The following JAKMIP2 variants were observed in gnomAD, a reference collection of about 807,000 sequenced individuals.
The protein encoded by JAKMIP2 is janus kinase and microtubule interacting protein 2, also known as janus kinase and microtubule-interacting protein 2.
JAKMIP2 carries 25 observed loss-of-function variants against 115.0 expected under a neutral mutation model. The observed-to-expected ratio is 0.22, with a 90% CI of 0.16 to 0.30. JAKMIP2 has a LOEUF of 0.30. JAKMIP2 is among the 10% of genes least tolerant of loss of function. The probability of loss-of-function intolerance (pLI) is 1.00; values close to 1 mark genes in which losing one functional copy is unlikely to be tolerated. For missense variants in JAKMIP2, 642 were observed against 957.6 expected (o/e 0.67, Z 4.35); for synonymous variants, 334 against 343.6 (o/e 0.97, Z 0.31).
chr5:147,737,953 G>A (rs551770500), intron 1 of JAKMIP2, among the ~76,000 whole-genome samples: 33 of 152,002 alleles, frequency 2.2e-4, no homozygotes, highest in Non-Finnish European at 3.1e-4. Flanking sequence ...GTCCTCCCAC[G>A]TAACAGGTGT....
intron 5 of JAKMIP2, 51 bp downstream of exon 5, chr5:147,648,325 G>C (rs760574165): frequency 2.2e-6 from 2 of 918,098 alleles, no homozygotes; most frequent in Non-Finnish European, 3.6e-6. Flanking sequence ...ATGTAATTCT[G>C]TAACATAATG....
At chr5:147,740,692 A>G (rs1462292977) in intron 1 of JAKMIP2, among the ~76,000 whole-genome samples, 1 of 152,182 alleles carries the variant, frequency 6.6e-6, no homozygotes, top group East Asian at 1.9e-4. Flanking sequence ...GCATAATGAA[A>G]ACTAAACTTG....
rs1390382358 is a variant in JAKMIP2, at chr5:147,590,319, G to A, written c.*1388C>T. 1 of 152,198 alleles carries A rather than the reference G, an allele frequency of 6.6e-6. No individual in the cohort carries two copies. Among genetic ancestry groups the A allele is most frequent in the Non-Finnish European group, 1.5e-5 (1 of 68,040 alleles). The allele number at this position is 152,198 out of a possible 1,614,324, so 9.4% of individuals were successfully genotyped here. ...GGTTGTTCTGTTATCTACAGTAAAT[G>A]AGGTGTAAAATTAGCTTTTCAGGAA... On this transcript the variant is annotated 3_prime_UTR_variant, in exon 22 of 22. Coordinates refer to ENST00000616793, the MANE Select transcript of JAKMIP2 (RefSeq NM_001270941.2).
At position 147,673,793 on chromosome 5, in the gene JAKMIP2, C is replaced by T. The variant is rs1055857110; in HGVS notation, c.-148-1839G>A. Among the ~76,000 whole-genome samples, 3 of 151,894 alleles carry T rather than the reference C, an allele frequency of 2.0e-5. No homozygotes were observed. In the South Asian group the frequency reaches 6.2e-4, roughly 32 times the overall value. Reference sequence around the variant, plus strand: ...GGATAAATAAGATAGTACTTAAACTCAAGTAGGTAGTGAGTGAGTAAATTC... The same window carrying T: ...GGATAAATAAGATAGTACTTAAACTTAAGTAGGTAGTGAGTGAGTAAATTC... On this transcript the variant is annotated intron_variant, in intron 1 of 21. Transcript: ENST00000616793.
chr5:147,700,960 G>T (rs924148220), intron 1 of JAKMIP2, among the ~76,000 whole-genome samples: 2 of 152,252 alleles, frequency 1.3e-5, no homozygotes, highest in African/African-American at 4.8e-5. Context: ...ATATTCATTT[G>T]GTTGGCATAT....
chr5:147,626,723 T>C (rs1183064278), intron 16 of JAKMIP2, among the ~76,000 whole-genome samples: 1 of 152,180 alleles, frequency 6.6e-6, no homozygotes, highest in Non-Finnish European at 1.5e-5. Context: ...GAGCAGAAGA[T>C]ATTTCTCCCA....
chr5:147,700,419 GAACAA>G (rs1446560185), intron 1 of JAKMIP2, among the ~76,000 whole-genome samples: 1 of 151,568 alleles, frequency 6.6e-6, no homozygotes, highest in Non-Finnish European at 1.5e-5. Flanking sequence ...TCAATAGTAG[GAACAA>G]AAAGACAGAT....
chr5:147,723,448 A>AT (rs1192547670), intron 1 of JAKMIP2, among the ~76,000 whole-genome samples: 4 of 152,146 alleles, frequency 2.6e-5, no homozygotes, highest in African/African-American at 9.7e-5. Flanking sequence ...TTCTATTACA[A>AT]TTTTTTGTTT....
chr5:147,781,268 A>T lies in JAKMIP2; in HGVS notation c.-149+1188T>A, dbSNP rs544222415. ...CCTACTTAATTATTTACAGAAGGAG[A>T]CCCTTAATACAACATCTGAGAGAAC... On this transcript the variant is annotated intron_variant, in intron 1 of 21. Transcript: ENST00000616793. Among the ~76,000 whole-genome samples the T allele has an allele frequency of 2.0e-5, 3 of 151,926 alleles. No individual in the cohort carries two copies. The East Asian group carries it at 5.8e-4, about 29-fold the overall frequency.
intron 3 of JAKMIP2, among the ~76,000 whole-genome samples, chr5:147,656,448 C>T (rs897723827): frequency 3.3e-5 from 5 of 152,316 alleles, no homozygotes; most frequent in African/African-American, 1.2e-4. Context: ...TAATGCCCTT[C>T]TTTGTCTTTT....
chr5:147,766,706 A>AT (rs993440829), intron 1 of JAKMIP2, among the ~76,000 whole-genome samples: 3 of 151,914 alleles, frequency 2.0e-5, no homozygotes, highest in Admixed American at 6.6e-5. Flanking sequence ...ATAATCTTTT[A>AT]TTTTTTTTCA....
At chr5:147,778,436 A>G (rs917644984) in intron 1 of JAKMIP2, among the ~76,000 whole-genome samples, 1 of 152,098 alleles carries the variant, frequency 6.6e-6, no homozygotes, top group Non-Finnish European at 1.5e-5. Flanking sequence ...ACAGATTAGT[A>G]AATTGAATTA....
chr5:147,631,826 C>T (rs904692774), intron 13 of JAKMIP2, among the ~76,000 whole-genome samples: 2 of 152,092 alleles, frequency 1.3e-5, no homozygotes, highest in Admixed American at 6.6e-5. Context: ...GTGGTCTTGC[C>T]ATGAAGTTTT....
At position 147,669,184 on chromosome 5, in the gene JAKMIP2, T is replaced by A. The variant is rs568596962; in HGVS notation, c.129+2494A>T. ...TTGAAAATACAATCCTATTTATTTATAATAAAAGTGCTTTATGACTTGTTT... is the reference window on the plus strand; with the variant it reads ...TTGAAAATACAATCCTATTTATTTAAAATAAAAGTGCTTTATGACTTGTTT... On this transcript the variant is annotated intron_variant, in intron 2 of 21. Transcript: ENST00000616793. Among the ~76,000 whole-genome samples, 4 of 152,342 alleles carry A rather than the reference T, an allele frequency of 2.6e-5. No individual in the cohort carries two copies. The South Asian group carries it at 8.3e-4, about 32-fold the overall frequency.
In JAKMIP2 at chr5:147,628,273, G is replaced by A. The variant is rs143766274; in HGVS notation, c.1995+478C>T. Among the ~76,000 whole-genome samples the A allele has an allele frequency of 7.0e-3, 1,073 of 152,246 alleles. 11 individuals are homozygous for A. Among genetic ancestry groups the A allele is most frequent in the South Asian group, 0.023 (111 of 4,816 alleles). ...AGACACAAGGTGGAGCCAGAGCTCA[G>A]TCAGTGTTGATTTTCTCCTGACAGT... On this transcript the variant is annotated intron_variant, in intron 16 of 21. Transcript: ENST00000616793.
chr5:147,641,033 C>G (rs946812833), intron 8 of JAKMIP2, among the ~76,000 whole-genome samples: 1 of 152,136 alleles, frequency 6.6e-6, no homozygotes, highest in Non-Finnish European at 1.5e-5. Context: ...AAGAAAAATT[C>G]ATAATATGTA....
intron 1 of JAKMIP2, among the ~76,000 whole-genome samples, chr5:147,748,606 G>A (rs1033324805): frequency 2.0e-5 from 3 of 152,182 alleles, no homozygotes; most frequent in Non-Finnish European, 4.4e-5. Flanking sequence ...CGAGGGCCAG[G>A]TATGTTCAAC....
At chr5:147,687,704 A>G (rs1025768720) in intron 1 of JAKMIP2, among the ~76,000 whole-genome samples, 1 of 152,224 alleles carries the variant, frequency 6.6e-6, no homozygotes, top group Non-Finnish European at 1.5e-5. Context: ...CACGACAGGT[A>G]AAACATTTAA....
chr5:147,774,864 C>T (rs1561588244), intron 1 of JAKMIP2, among the ~76,000 whole-genome samples: 3 of 152,172 alleles, frequency 2.0e-5, no homozygotes, highest in Admixed American at 2.0e-4. Flanking sequence ...TCACCCTCTT[C>T]TCCTAAGCAC....
Sources: gnomAD v4.1 joint callset for allele counts (sites outside exome capture counted in the v4.1 genomes callset) on GRCh38, gnomAD v4.1.1 for gene constraint, MANE v1.5 for transcripts, NCBI Gene and HGNC (gene_info 2026-07-23, HGNC 2026-07-21) for gene names.